Variants in NPAS3 observed in about 807,000 individuals in gnomAD.
NPAS3 encodes the protein neuronal PAS domain-containing protein 3.
A neutral mutation model predicts 73.1 loss-of-function variants in NPAS3; 14 were observed. That is an observed-to-expected ratio of 0.19 (90% confidence interval 0.13 to 0.30). The LOEUF (loss-of-function observed/expected upper bound fraction) is 0.30, where lower values mean the gene tolerates loss of function less well. Among genes scored for constraint, NPAS3 ranks in the 10% least tolerant of loss-of-function variants. NPAS3 has a pLI of 1.00. For synonymous variants in NPAS3, 620 were observed against 541.5 expected, an observed-to-expected ratio of 1.14 and a Z score of -2.01; for missense variants, 1,096 against 1,250.0, an observed-to-expected ratio of 0.88 and a Z score of 1.86.
upstream of NPAS3, among the ~76,000 whole-genome samples, chr14:32,938,669 C>T (rs1319805828): frequency 2.7e-5 from 4 of 148,074 alleles, no homozygotes; most frequent in Admixed American, 1.3e-4. Context: ...AGACCCCGCG[C>T]CCCCCGCAGG....
At chr14:32,991,974 C>T (rs1185312684) in intron 1 of NPAS3, among the ~76,000 whole-genome samples, 1 of 152,218 alleles carries the variant, frequency 6.6e-6, no homozygotes, top group African/African-American at 2.4e-5. Context: ...ATTAGAAATA[C>T]AATCACACAG....
chr14:33,793,870 T>C lies in NPAS3; in HGVS notation c.1154-27T>C, dbSNP rs778120973. 10 of 1,595,824 alleles carry C rather than the reference T, an allele frequency of 6.3e-6. No individual in the cohort carries two copies. The South Asian group carries it at 8.0e-5, about 13-fold the overall frequency. On this transcript the variant is annotated intron_variant, in intron 9 of 11. Coordinates refer to ENST00000356141, the Ensembl canonical transcript of NPAS3. ...TTATTTGATCCCAGTCTTAATACAA[T>C]GCCTCTGTTTTGTTTTTTTTCGCCA...
intron 3 of NPAS3, chr14:33,215,659 T>G: frequency 2.9e-6 from 2 of 684,844 alleles, no homozygotes; most frequent in South Asian, 3.3e-5. Context: ...TCACTTTATA[T>G]AAGATTTCAG....
intron 6 of NPAS3, among the ~76,000 whole-genome samples, chr14:33,729,647 A>T (rs2061354033): frequency 6.6e-6 from 1 of 152,114 alleles, no homozygotes; most frequent in Non-Finnish European, 1.5e-5. Context: ...CTTCCATAAG[A>T]CTGACTGCCT....
chr14:33,680,339 T>A (rs1489620070), intron 6 of NPAS3, among the ~76,000 whole-genome samples: 6 of 152,208 alleles, frequency 3.9e-5, no homozygotes, highest in Admixed American at 3.9e-4. Flanking sequence ...GTGTTGTGTT[T>A]TACTCCTTCT....
intron 4 of NPAS3, among the ~76,000 whole-genome samples, chr14:33,419,579 T>C (rs1444357787): frequency 2.0e-5 from 3 of 151,950 alleles, no homozygotes; most frequent in Admixed American, 6.6e-5. Flanking sequence ...AAGCTTTTGG[T>C]GAAACATCCT....
intron 6 of NPAS3, among the ~76,000 whole-genome samples, chr14:33,730,138 T>G (rs1273568618): frequency 6.6e-6 from 1 of 152,170 alleles, no homozygotes. Flanking sequence ...GGAGCCACAC[T>G]AAGTGCTATA....
chr14:33,640,092 C>G (rs544627425), intron 5 of NPAS3, among the ~76,000 whole-genome samples: 1 of 152,212 alleles, frequency 6.6e-6, no homozygotes, highest in South Asian at 2.1e-4. Context: ...TGGTGTACGT[C>G]CGTAATCCCA....
At chr14:33,771,298 T>C (rs926851486) in intron 7 of NPAS3, among the ~76,000 whole-genome samples, 9 of 152,154 alleles carry the variant, frequency 5.9e-5, no homozygotes, top group African/African-American at 2.2e-4. Flanking sequence ...TTTCTTCTCT[T>C]CAATTCCACC....
intron 6 of NPAS3, among the ~76,000 whole-genome samples, chr14:33,731,530 A>T (rs2061402406): frequency 6.6e-6 from 1 of 152,088 alleles, no homozygotes; most frequent in South Asian, 2.1e-4. Context: ...AGTGTTCCAA[A>T]CAAACCTGGC....
intron 4 of NPAS3, among the ~76,000 whole-genome samples, chr14:33,478,451 G>A (rs370192610): frequency 6.6e-6 from 1 of 152,146 alleles, no homozygotes; most frequent in Non-Finnish European, 1.5e-5. Context: ...AAGCCTTAGC[G>A]ATAAGCTCCT....
In NPAS3 at chr14:33,559,912, G is replaced by A. The variant is rs528698544; in HGVS notation, c.469-209G>A. ...CACATGCCTGTAGTCCCAGCTACTCGGGAGGCTAAGGCAGGAGAACCCAGG... is the reference window on the plus strand; with the variant it reads ...CACATGCCTGTAGTCCCAGCTACTCAGGAGGCTAAGGCAGGAGAACCCAGG... On this transcript the variant is annotated intron_variant, in intron 4 of 11. Coordinates refer to ENST00000356141, the Ensembl canonical transcript of NPAS3. Among the ~76,000 whole-genome samples the A allele has an allele frequency of 8.6e-5, 13 of 151,844 alleles. No individual in the cohort carries two copies. In the East Asian group the frequency reaches 9.7e-4, roughly 11 times the overall value.
intron 5 of NPAS3, among the ~76,000 whole-genome samples, chr14:33,662,893 T>C (rs1337390024): frequency 2.0e-5 from 3 of 147,302 alleles, no homozygotes; most frequent in South Asian, 2.2e-4. Context: ...TTTTTTTTTT[T>C]TCTGTTGCCC....
chr14:33,721,009 C>T (rs922733646), intron 6 of NPAS3, among the ~76,000 whole-genome samples: 2 of 152,012 alleles, frequency 1.3e-5, no homozygotes, highest in African/African-American at 4.8e-5. Flanking sequence ...CTTTCTTCCC[C>T]AACAAGCCAA....
rs533736678 is a variant in NPAS3 at position 33,485,895 on chromosome 14, C to T, written c.469-74226C>T. 2.3e-4 allele frequency among the ~76,000 whole-genome samples: 35 copies of T among 151,936 alleles called. No homozygotes were observed. The South Asian group carries it at 2.5e-3, about 11-fold the overall frequency. On this transcript the variant is annotated intron_variant, in intron 4 of 11. Coordinates refer to ENST00000356141, the Ensembl canonical transcript of NPAS3. ...AGGAGGGTGGCCTCATGTGAGTGCT[C>T]AGGTTGCGTAGTGAACAAGGATGCC...
intron 6 of NPAS3, among the ~76,000 whole-genome samples, chr14:33,706,796 G>A (rs1595474790): frequency 2.0e-5 from 3 of 152,270 alleles, no homozygotes; most frequent in South Asian, 2.1e-4. Context: ...AAGTTGCACA[G>A]CTAGGAAGCA....
chr14:33,160,338 C>T (rs1459137745), intron 2 of NPAS3, among the ~76,000 whole-genome samples: 3 of 151,672 alleles, frequency 2.0e-5, no homozygotes, highest in Non-Finnish European at 4.4e-5. Flanking sequence ...ATATTAAGAC[C>T]ATATATCCAA....
chr14:33,441,871 A>T (rs192509130), intron 4 of NPAS3, among the ~76,000 whole-genome samples: 1 of 152,270 alleles, frequency 6.6e-6, no homozygotes, highest in East Asian at 1.9e-4. Flanking sequence ...ACATCTCATG[A>T]GACTTACTCA....
At chr14:33,250,113 T>C (rs1038838596) in intron 3 of NPAS3, among the ~76,000 whole-genome samples, 2 of 152,078 alleles carry the variant, frequency 1.3e-5, no homozygotes, top group African/African-American at 4.8e-5. Flanking sequence ...TCGGGGTAGG[T>C]AGATAATGAG....
Sources: allele counts gnomAD v4.1 joint callset (sites outside exome capture counted in the v4.1 genomes callset), GRCh38; gene constraint gnomAD v4.1.1; transcripts MANE v1.5; gene names NCBI Gene and HGNC (gene_info 2026-07-23, HGNC 2026-07-21).